TLL1: variants seen among roughly 807,000 people sequenced by gnomAD.
TLL1 encodes tolloid like 1.
TLL1 carries 49 observed loss-of-function variants against 128.2 expected under a neutral mutation model. That is an observed-to-expected ratio of 0.38 (90% CI 0.30 to 0.48). The LOEUF (loss-of-function observed/expected upper bound fraction) is 0.48. TLL1 is among the 20% of genes least tolerant of loss of function. TLL1 has a pLI of 0.96. For missense variants in TLL1, 1,123 were observed against 1,242.0 expected, an observed-to-expected ratio of 0.90 and a Z score of 1.44; for synonymous variants, 454 against 418.8, an observed-to-expected ratio of 1.08 and a Z score of -1.03.
At chr4:165,989,312 C>T in intron 1 of TLL1, 69 bp from the exon 2 acceptor site, 1 of 1,153,860 alleles carries the variant, frequency 8.7e-7, no homozygotes. Flanking sequence ...CAATGCTTTT[C>T]TAATTAGCTT....
intron 9 of TLL1, among the ~76,000 whole-genome samples, chr4:166,031,363 C>CTT (rs35799879): frequency 0.034 from 3,437 of 102,168 alleles, 182 homozygotes; most frequent in African/African-American, 0.073. Context: ...ATTGCAAGGT[C>CTT]TTTTTTTTTT....
intron 5 of TLL1, among the ~76,000 whole-genome samples, chr4:166,002,491 C>G (rs1014615790): frequency 6.6e-6 from 1 of 152,074 alleles, no homozygotes; most frequent in Non-Finnish European, 1.5e-5. Context: ...GTTGCTCAGG[C>G]TGGAGCGCAG....
At chr4:166,040,632 T>C (rs796098035) in intron 10 of TLL1, among the ~76,000 whole-genome samples, 63 of 152,310 alleles carry the variant, frequency 4.1e-4, no homozygotes, top group African/African-American at 1.5e-3. Flanking sequence ...ATTGGTAGCA[T>C]CAAAATCATC....
At chr4:165,910,610 GA>G (rs761986576) in intron 1 of TLL1, among the ~76,000 whole-genome samples, 1 of 152,130 alleles carries the variant, frequency 6.6e-6, no homozygotes, top group Non-Finnish European at 1.5e-5. Flanking sequence ...CTAGTGTATA[GA>G]AGACAATCTT....
At chr4:165,915,605 G>C (rs1378497268) in intron 1 of TLL1, among the ~76,000 whole-genome samples, 1 of 152,178 alleles carries the variant, frequency 6.6e-6, no homozygotes, top group Non-Finnish European at 1.5e-5. Context: ...AGTCGGCTGG[G>C]AGAGTTGCCT....
At chr4:166,039,599 C>G (rs1560828438) in intron 10 of TLL1, among the ~76,000 whole-genome samples, 158 bp downstream of exon 10, 1 of 152,082 alleles carries the variant, frequency 6.6e-6, no homozygotes. Flanking sequence ...CAAAAATACT[C>G]AAAGACAAAT....
intron 1 of TLL1, among the ~76,000 whole-genome samples, chr4:165,946,421 G>T (rs1384120784): frequency 6.6e-6 from 1 of 151,358 alleles, no homozygotes; most frequent in Non-Finnish European, 1.5e-5. Context: ...CTGCAGCCTT[G>T]ACCTCCCAGG....
intron 9 of TLL1, among the ~76,000 whole-genome samples, chr4:166,031,211 A>G (rs1048614521): frequency 6.6e-6 from 1 of 152,140 alleles, no homozygotes; most frequent in Non-Finnish European, 1.5e-5. Context: ...TTTTTTAAAC[A>G]AGTAAAATTC....
chr4:165,890,806 T>C (rs1282344516), intron 1 of TLL1, among the ~76,000 whole-genome samples: 1 of 152,208 alleles, frequency 6.6e-6, no homozygotes, highest in Non-Finnish European at 1.5e-5. Context: ...GGGACTCTCT[T>C]CTCACAGTTC....
chr4:166,018,750 T>C (rs1738068809), intron 8 of TLL1, among the ~76,000 whole-genome samples: 1 of 152,104 alleles, frequency 6.6e-6, no homozygotes, highest in Non-Finnish European at 1.5e-5. Flanking sequence ...CAAACTACAA[T>C]GAGATGTCAT....
chr4:166,075,566 G>A (rs1740984677), intron 17 of TLL1, among the ~76,000 whole-genome samples: 1 of 152,046 alleles, frequency 6.6e-6, no homozygotes, highest in African/African-American at 2.4e-5. Flanking sequence ...CGTCCCCAAG[G>A]CCTTACAAAA....
chr4:166,091,385 A>G, intron 19 of TLL1, 44 bp downstream of exon 19: 1 of 1,567,986 alleles, frequency 6.4e-7, no homozygotes, highest in Non-Finnish European at 8.8e-7. Context: ...ACTGAGATCC[A>G]GGTTTTTCTT....
chr4:166,019,200 G>T (rs1420524642), intron 8 of TLL1, among the ~76,000 whole-genome samples: 1 of 152,114 alleles, frequency 6.6e-6, no homozygotes, highest in Admixed American at 6.6e-5. Context: ...AACTAACACA[G>T]GCATAGAAAA....
intron 1 of TLL1, among the ~76,000 whole-genome samples, chr4:165,906,805 C>G (rs150308736): frequency 7.0e-6 from 1 of 142,190 alleles, no homozygotes; most frequent in Non-Finnish European, 1.5e-5. Context: ...ACTACAGATC[C>G]TTTTGTCAGC....
At chr4:166,093,366 A>G (rs1741867551) in intron 19 of TLL1, among the ~76,000 whole-genome samples, 2 of 152,190 alleles carry the variant, frequency 1.3e-5, no homozygotes, top group South Asian at 4.1e-4. Flanking sequence ...GTTCAAGGGG[A>G]GGTACTATGC....
intron 12 of TLL1, 66 bp from the exon 13 acceptor site, chr4:166,055,010 T>A: frequency 7.5e-7 from 1 of 1,341,364 alleles, no homozygotes. Flanking sequence ...TGAGAAGACA[T>A]CTATCCTCCT....
chr4:166,089,550 T>C (rs1741668313), intron 18 of TLL1, among the ~76,000 whole-genome samples: 1 of 152,156 alleles, frequency 6.6e-6, no homozygotes, highest in Admixed American at 6.6e-5. Context: ...TTCCTTCAGT[T>C]ATCACCTGCT....
chr4:165,998,890 G>C (rs559636198), intron 5 of TLL1, among the ~76,000 whole-genome samples: 2 of 152,158 alleles, frequency 1.3e-5, no homozygotes, highest in South Asian at 4.1e-4. Context: ...ATGTAGAGTT[G>C]AACATAAGGT....
intron 1 of TLL1, among the ~76,000 whole-genome samples, chr4:165,974,224 T>A (rs1477015784): frequency 8.0e-6 from 1 of 124,484 alleles, no homozygotes; most frequent in Non-Finnish European, 1.6e-5. Context: ...CACTGCAAGC[T>A]CCGCCTCCCG....
Sources: allele counts gnomAD v4.1 joint callset (sites outside exome capture counted in the v4.1 genomes callset), GRCh38; gene constraint gnomAD v4.1.1; transcripts MANE v1.5; gene names NCBI Gene and HGNC (gene_info 2026-07-23, HGNC 2026-07-21).